Variants in SERPINB6 observed in about 807,000 individuals in gnomAD.
SERPINB6 encodes serpin B6.
In SERPINB6, 16 loss-of-function variants were observed where a neutral mutation model predicts 26.1. That is an observed-to-expected ratio of 0.61 (90% CI 0.42 to 0.93). SERPINB6 has a LOEUF of 0.93. Among genes scored for constraint, SERPINB6 ranks in the 40% least tolerant of loss-of-function variants. SERPINB6 has a pLI of 0.00. For missense variants in SERPINB6, 420 were observed against 478.0 expected (o/e 0.88, Z 1.13); for synonymous variants, 174 against 176.6 (o/e 0.99, Z 0.11).
intron 1 of SERPINB6, chr6:2,966,459 G>A (rs1771653896): frequency 4.1e-6 from 4 of 970,904 alleles, no homozygotes; most frequent in Non-Finnish European, 4.9e-6. Flanking sequence ...GGGCCACGCA[G>A]CAGGAGGTGA....
intron 1 of SERPINB6, chr6:2,966,323 T>TG: frequency 1.3e-6 from 1 of 788,228 alleles, no homozygotes; most frequent in Non-Finnish European, 1.5e-6. Flanking sequence ...AATTTGCTGA[T>TG]GTTTTTTTTT....
At chr6:2,971,402 A>T (rs1031177511) in intron 1 of SERPINB6, 131 bp downstream of exon 1, 15 of 161,958 alleles carry the variant, frequency 9.3e-5, no homozygotes, top group Admixed American at 3.9e-4. Flanking sequence ...CGCGCCGTCG[A>T]CCCACGCGCG....
intron 2 of SERPINB6, among the ~76,000 whole-genome samples, chr6:2,958,718 G>A (rs1417837853): frequency 6.6e-6 from 1 of 152,188 alleles, no homozygotes; most frequent in Admixed American, 6.5e-5. Flanking sequence ...TAAGCTGGGA[G>A]AGCTGGTTAC....
intron 2 of SERPINB6, chr6:2,957,471 A>T (rs1770627999): frequency 6.6e-6 from 1 of 152,284 alleles, no homozygotes; most frequent in South Asian, 2.1e-4. Flanking sequence ...ATCAAATCCC[A>T]GACACTGGCC....
chr6:2,953,187 C>G lies in SERPINB6; in HGVS notation c.431-1G>C, dbSNP rs747066863. On this transcript the variant is annotated splice_acceptor_variant, in intron 4 of 6. Transcript: ENST00000380539. LOFTEE classifies it high-confidence loss of function. ...GGAGAGAGCAACTCCGCAATTTTAC[C>G]TGAGCGGAAGAATTCAAGACCGCAT... is the stretch of plus-strand genomic sequence containing the variant. 1.9e-6 allele frequency: 3 copies of G among 1,614,186 alleles called. No homozygotes were observed. Among genetic ancestry groups the G allele is most frequent in the Non-Finnish European group, 2.5e-6 (3 of 1,180,028 alleles).
Position 2,948,183 on chromosome 6 carries a change from C to T in SERPINB6, c.*115G>A, listed in dbSNP as rs1026168566. On this transcript the variant is annotated 3_prime_UTR_variant, in exon 7 of 7. Coordinates refer to ENST00000380539, the MANE Select transcript of SERPINB6 (RefSeq NM_004568.6). This position sits in a 1 kb window ranked among gnomAD's most constrained non-coding sequence, Gnocchi z 5.0. ...GTGAATGCGGCATCCCACAAATGGG[C>T]CCTTTATTTCTGAACTGCCACCACT... 5.2e-6 allele frequency: 6 copies of T among 1,156,488 alleles called. No individual in the cohort carries two copies. The highest frequency in any genetic ancestry group is 1.5e-5 in the African/African-American group (1 of 65,888). 71.6% of individuals were successfully genotyped at this position (1,156,488 alleles called of 1,614,324 possible). A position where few individuals can be genotyped will look rare whatever the true frequency, so the allele number is the denominator to read the frequency against.
intron 4 of SERPINB6, 59 bp downstream of exon 4, chr6:2,954,533 A>G (rs995310184): frequency 7.7e-7 from 1 of 1,295,142 alleles, no homozygotes; most frequent in African/African-American, 1.5e-5. Flanking sequence ...TTGTGAAGGA[A>G]CTGACAATAA....
Position 2,970,525 on chromosome 6 carries a change from C to T in SERPINB6, c.-11+1008G>A, listed in dbSNP as rs535150215. The T allele has an allele frequency of 3.4e-6, 4 of 1,179,256 alleles. No homozygotes were observed. In the African/African-American group the frequency reaches 4.7e-5, roughly 14 times the overall value. 73.0% of individuals were successfully genotyped at this position (1,179,256 alleles called of 1,614,324 possible). On this transcript the variant is annotated intron_variant, in intron 1 of 6. Transcript: ENST00000380539. The stretch of plus-strand genomic sequence containing the variant: ...TAGAAGGTCACTGAACACATCAGAT[C>T]TCATCGCATCAGGCCTGACCCCCAC...
rs900903279 is a variant in SERPINB6 at position 2,967,921 on chromosome 6, A to C, written c.-11+3612T>G. ...GAGCTAAAAACAGAACTACCATTCAACCCAGCAATCCCATTACTGAGTATA... is the reference window on the plus strand; with the variant it reads ...GAGCTAAAAACAGAACTACCATTCACCCCAGCAATCCCATTACTGAGTATA... On this transcript the variant is annotated intron_variant, in intron 1 of 6. Coordinates refer to ENST00000380539, the MANE Select transcript of SERPINB6 (RefSeq NM_004568.6). This position sits in a 1 kb window ranked among gnomAD's most constrained non-coding sequence, Gnocchi z 4.3. 2.0e-5 allele frequency: 3 copies of C among 152,234 alleles called. No individual in the cohort carries two copies. Among genetic ancestry groups the C allele is most frequent in the Non-Finnish European group, 4.4e-5 (3 of 68,058 alleles). 9.4% of individuals were successfully genotyped at this position (152,234 alleles called of 1,614,324 possible).
At chr6:2,968,917 G>A (rs993203748) in intron 1 of SERPINB6, 1 of 1,226,028 alleles carries the variant, frequency 8.2e-7, no homozygotes, top group Non-Finnish European at 1.0e-6. Flanking sequence ...TGGTGTTCTG[G>A]AAGGAGATGG....
At chr6:2,964,107 C>T (rs1478053249) in intron 1 of SERPINB6, 1 of 152,206 alleles carries the variant, frequency 6.6e-6, no homozygotes, top group Non-Finnish European at 1.5e-5. Context: ...ATTTCCACTG[C>T]ATGAGAATCT....
intron 1 of SERPINB6, chr6:2,963,530 A>T (rs1771337440): frequency 6.6e-6 from 1 of 152,276 alleles, no homozygotes; most frequent in African/African-American, 2.4e-5. Flanking sequence ...TACATTAAAG[A>T]TGCCTTTTCA....
intron 4 of SERPINB6, among the ~76,000 whole-genome samples, chr6:2,953,449 A>C (rs894243133): frequency 1.3e-5 from 2 of 152,330 alleles, no homozygotes; most frequent in South Asian, 2.1e-4. Context: ...ATGAGATAAG[A>C]AGCAATCATG....
chr6:2,952,403 A>G (rs563425437), intron 5 of SERPINB6, among the ~76,000 whole-genome samples: 2 of 152,356 alleles, frequency 1.3e-5, no homozygotes, highest in African/African-American at 2.4e-5. Context: ...GAAAAACAAA[A>G]CAAGAGACAA....
rs1387039307 is a variant in SERPINB6 at position 2,948,730 on chromosome 6, C to G, written c.730-31G>C. On this transcript the variant is annotated intron_variant, in intron 6 of 6. Transcript: ENST00000380539. This position sits in a 1 kb window ranked among gnomAD's most constrained non-coding sequence, Gnocchi z 5.0. ...GGGAGACAGTTGAAGACTTTAAGAC[C>G]CAGGGTGCTGCTGCCCAGCAGGGCC... 1.2e-6 allele frequency: 2 copies of G among 1,609,532 alleles called. No homozygotes were observed. Among genetic ancestry groups the G allele is most frequent in the Admixed American group, 1.7e-5 (1 of 60,018 alleles).
In SERPINB6 at chr6:2,961,808, G is replaced by T. The variant is rs1397829099; in HGVS notation, c.-10-2466C>A. 7 of 984,498 alleles carry T rather than the reference G, an allele frequency of 7.1e-6. No individual in the cohort carries two copies. In the African/African-American group the frequency reaches 8.8e-5, roughly 12 times the overall value. The allele number at this position is 984,498 out of a possible 1,614,324, so 61.0% of individuals were successfully genotyped here. A position where few individuals can be genotyped will look rare whatever the true frequency, so the allele number is the denominator to read the frequency against. On this transcript the variant is annotated intron_variant, in intron 1 of 6. Transcript: ENST00000380539. ...TAAGTACCATGTCAGCTGGCCAGGG[G>T]AAGGTCCCACATGCTCCCCCAACCC...
chr6:2,948,977 TG>T lies in SERPINB6; in HGVS notation c.665del (p.Pro222HisfsTer7). On this transcript the variant is annotated frameshift_variant, in exon 6 of 7. Transcript: ENST00000380539. LOFTEE classifies it high-confidence loss of function. This position sits in a 1 kb window ranked among gnomAD's most constrained non-coding sequence, Gnocchi z 5.0. ...GEIFTQILVL[P>X]YVGKELNMII... ...TCATATTCAGTTCCTTGCCAACATA[TG>T]GAAGCACCAAGATTTGGGTAAATAT... The T allele has an allele frequency of 6.2e-7, 1 of 1,614,228 alleles. No homozygotes were observed. The highest frequency in any genetic ancestry group is 8.5e-7 in the Non-Finnish European group (1 of 1,180,038).
intron 2 of SERPINB6, among the ~76,000 whole-genome samples, chr6:2,958,408 T>C (rs911539): frequency 0.87 from 132,221 of 152,214 alleles, 57,608 homozygotes; most frequent in East Asian, 0.97. Context: ...GGCGCGGAGA[T>C]GCCTCTGCCT....
In SERPINB6 at chr6:2,967,316, T is replaced by A; in HGVS notation, c.-11+4217A>T. 1 of 741,888 alleles carries A rather than the reference T, an allele frequency of 1.3e-6. No homozygotes were observed. Among genetic ancestry groups the A allele is most frequent in the Non-Finnish European group, 1.6e-6 (1 of 607,676 alleles). 46.0% of individuals were successfully genotyped at this position (741,888 alleles called of 1,614,324 possible). A position where few individuals can be genotyped will look rare whatever the true frequency, so the allele number is the denominator to read the frequency against. Reference sequence around the variant, plus strand: ...TCAAGATGGATTAAAGGCTTAGATGTAAAAGCCAAAACTATAAAAAACCCT... The same window carrying A: ...TCAAGATGGATTAAAGGCTTAGATGAAAAAGCCAAAACTATAAAAAACCCT... On this transcript the variant is annotated intron_variant, in intron 1 of 6. Coordinates refer to ENST00000380539, the MANE Select transcript of SERPINB6 (RefSeq NM_004568.6). This position sits in a 1 kb window ranked among gnomAD's most constrained non-coding sequence, Gnocchi z 4.3.
Sources: allele counts gnomAD v4.1 joint callset (sites outside exome capture counted in the v4.1 genomes callset), GRCh38; gene constraint gnomAD v4.1.1; non-coding constraint Gnocchi (gnomAD v3.1); transcripts MANE v1.5; gene names NCBI Gene and HGNC (gene_info 2026-07-23, HGNC 2026-07-21).